The following CDC42BPA variants were observed in gnomAD, a reference collection of about 807,000 sequenced individuals.
The protein encoded by CDC42BPA is serine/threonine-protein kinase MRCK alpha.
In CDC42BPA, 80 loss-of-function variants were observed where a neutral mutation model predicts 223.5. The ratio of observed to expected loss-of-function variants is 0.36; its 90% CI spans 0.30 to 0.43. CDC42BPA has a LOEUF of 0.43. CDC42BPA is among the 20% of genes least tolerant of loss of function. The pLI is 1.00. For missense variants in CDC42BPA, 1,743 were observed against 2,099.9 expected, an observed-to-expected ratio of 0.83 and a Z score of 3.32; for synonymous variants, 694 against 718.6, an observed-to-expected ratio of 0.97 and a Z score of 0.55.
At chr1:227,025,805 A>G (rs944572507) in intron 31 of CDC42BPA, among the ~76,000 whole-genome samples, 1 of 152,194 alleles carries the variant, frequency 6.6e-6, no homozygotes, top group Non-Finnish European at 1.5e-5. Flanking sequence ...GATATATTCT[A>G]GTTGTTCATA....
chr1:227,278,809 T>C (rs1415494604), intron 1 of CDC42BPA, among the ~76,000 whole-genome samples: 1 of 152,180 alleles, frequency 6.6e-6, no homozygotes, highest in African/African-American at 2.4e-5. Flanking sequence ...ATTTGACTTA[T>C]TTTTGTACTT....
chr1:227,067,597 A>G (rs757770460), intron 21 of CDC42BPA, among the ~76,000 whole-genome samples: 3 of 152,156 alleles, frequency 2.0e-5, no homozygotes, highest in Non-Finnish European at 4.4e-5. Context: ...TTATCACACT[A>G]TAGAGTTAAC....
intron 1 of CDC42BPA, among the ~76,000 whole-genome samples, chr1:227,283,993 T>TTCAA (rs1273029968): frequency 1.3e-5 from 2 of 152,024 alleles, no homozygotes; most frequent in African/African-American, 4.8e-5. Context: ...AGAGGTGGAG[T>TTCAA]GGGCTGCAGT....
chr1:227,033,934 A>G (rs535322972), intron 26 of CDC42BPA, among the ~76,000 whole-genome samples: 1 of 152,254 alleles, frequency 6.6e-6, no homozygotes, highest in African/African-American at 2.4e-5. Flanking sequence ...TCAGTCCCTT[A>G]GTAGGTTCTA....
At chr1:227,186,267 AC>A (rs1235753215) in intron 5 of CDC42BPA, among the ~76,000 whole-genome samples, 1 of 152,176 alleles carries the variant, frequency 6.6e-6, no homozygotes. Context: ...AGAGAAACAT[AC>A]CCTCATGCTT....
chr1:227,108,574 C>CTGT (rs918809985), intron 14 of CDC42BPA, among the ~76,000 whole-genome samples: 2 of 152,058 alleles, frequency 1.3e-5, no homozygotes, highest in African/African-American at 4.8e-5. Flanking sequence ...GTATATTTTG[C>CTGT]TGTTGTTGGG....
intron 1 of CDC42BPA, among the ~76,000 whole-genome samples, chr1:227,262,456 G>A (rs1344084202): frequency 1.3e-5 from 2 of 148,676 alleles, no homozygotes; most frequent in African/African-American, 5.0e-5. Context: ...ATAGTTTAAG[G>A]CTATGAATTC....
chr1:227,010,500 A>AT (rs1664964534), intron 34 of CDC42BPA, among the ~76,000 whole-genome samples: 1 of 152,234 alleles, frequency 6.6e-6, no homozygotes, highest in Non-Finnish European at 1.5e-5. Flanking sequence ...TGAACTGGTT[A>AT]TAGGGTAAGG....
intron 2 of CDC42BPA, among the ~76,000 whole-genome samples, chr1:227,236,869 T>G (rs1679133704): frequency 6.6e-6 from 1 of 151,682 alleles, no homozygotes; most frequent in Non-Finnish European, 1.5e-5. Context: ...ATGGCAAAAC[T>G]CCACCTCTAC....
intron 11 of CDC42BPA, among the ~76,000 whole-genome samples, chr1:227,126,223 C>G (rs537345260): frequency 6.6e-6 from 1 of 152,302 alleles, no homozygotes; most frequent in African/African-American, 2.4e-5. Flanking sequence ...CACTCCCTGA[C>G]CTCCAGGTGT....
intron 16 of CDC42BPA, among the ~76,000 whole-genome samples, chr1:227,084,973 C>T (rs1681542787): frequency 1.3e-5 from 2 of 152,164 alleles, no homozygotes; most frequent in Admixed American, 6.5e-5. Flanking sequence ...GGAACATCAG[C>T]TGTGACATCA....
chr1:227,004,229 C>T (rs1663540017), intron 35 of CDC42BPA: 1 of 152,180 alleles, frequency 6.6e-6, no homozygotes, highest in Admixed American at 6.5e-5. Flanking sequence ...AATTCATCAT[C>T]AAGTCTTACT....
intron 5 of CDC42BPA, among the ~76,000 whole-genome samples, chr1:227,174,986 T>C (rs1666713321): frequency 1.3e-5 from 2 of 152,200 alleles, no homozygotes; most frequent in Admixed American, 1.3e-4. Flanking sequence ...CATTTTAAAA[T>C]ATAATTTCCA....
chr1:227,237,069 G>A (rs1378357223), intron 2 of CDC42BPA, among the ~76,000 whole-genome samples: 5 of 137,356 alleles, frequency 3.6e-5, no homozygotes, highest in East Asian at 2.1e-4. Context: ...AAAAAAAAGC[G>A]TCTCATATGT....
At chr1:227,236,675 A>T (rs1055737625) in intron 2 of CDC42BPA, among the ~76,000 whole-genome samples, 3 of 152,194 alleles carry the variant, frequency 2.0e-5, no homozygotes, top group Non-Finnish European at 2.9e-5. Context: ...AAGAAATAGA[A>T]CATGCAATAA....
intron 12 of CDC42BPA, among the ~76,000 whole-genome samples, chr1:227,115,810 G>A (rs988918622): frequency 3.3e-5 from 5 of 151,276 alleles, no homozygotes; most frequent in African/African-American, 1.2e-4. Context: ...AGAAAAAGCA[G>A]GAATGCAATT....
chr1:227,031,474 G>A lies in CDC42BPA; in HGVS notation c.3599C>T (p.Ser1200Leu), dbSNP rs1265818718. 6.2e-7 allele frequency: 1 copy of A among 1,613,820 alleles called. No homozygotes were observed. Among genetic ancestry groups the A allele is most frequent in the East Asian group, 2.2e-5 (1 of 44,872 alleles). The change falls in exon 28 of 37, where the codon TCA becomes TTA. Residue 1200 changes from serine (S) to leucine (L), a missense_variant. By Grantham distance (145) the Ser-to-Leu change is moderately radical (BLOSUM62 -2). Coordinates refer to ENST00000366766, the MANE Select transcript of CDC42BPA (RefSeq NM_001394014.1). ...SQLSASNNKC[S>L]ILMLADTENE... is the part of the protein sequence containing the mutation. ...CTCAGTGTCTGCTAGCATCAGGATT[G>A]AACATTTGTTATTAGATGCTGAGAG...
intron 4 of CDC42BPA, among the ~76,000 whole-genome samples, chr1:227,194,817 A>T (rs886856583): frequency 6.6e-6 from 1 of 152,216 alleles, no homozygotes; most frequent in African/African-American, 2.4e-5. Context: ...TACTGACTCC[A>T]TGTTGTAAGT....
intron 1 of CDC42BPA, among the ~76,000 whole-genome samples, chr1:227,302,345 A>C (rs1408058543): frequency 1.3e-5 from 2 of 152,166 alleles, no homozygotes. Flanking sequence ...AATTTTTAAC[A>C]CCTTCATGCC....
Sources: allele counts gnomAD v4.1 joint callset (sites outside exome capture counted in the v4.1 genomes callset), GRCh38; gene constraint gnomAD v4.1.1; transcripts MANE v1.5; gene names NCBI Gene and HGNC (gene_info 2026-07-23, HGNC 2026-07-21).